The following GAREM1 variants were observed in gnomAD, a reference collection of about 807,000 sequenced individuals.
GAREM1 encodes GRB2 associated regulator of MAPK1 subtype 1, also known as GRB2-associated and regulator of MAPK protein 1.
GAREM1 carries 26 observed loss-of-function variants against 71.3 expected under a neutral mutation model. The ratio of observed to expected loss-of-function variants is 0.36; its 90% CI spans 0.27 to 0.51. The LOEUF is 0.51. Among genes scored for constraint, GAREM1 ranks in the 20% least tolerant of loss-of-function variants. The probability of loss-of-function intolerance (pLI) is 0.95; values close to 1 mark genes in which losing one functional copy is unlikely to be tolerated. For missense variants in GAREM1, 1,026 were observed against 1,103.1 expected, an observed-to-expected ratio of 0.93 and a Z score of 0.99; for synonymous variants, 440 against 433.2, an observed-to-expected ratio of 1.02 and a Z score of -0.20.
At chr18:32,467,451 C>T (rs183730273) in intron 1 of GAREM1, among the ~76,000 whole-genome samples, 4 of 152,220 alleles carry the variant, frequency 2.6e-5, no homozygotes, top group South Asian at 2.1e-4. Flanking sequence ...AAATTCCACT[C>T]CACCATTTAC....
chr18:32,431,331 A>T (rs1308927588), intron 1 of GAREM1, among the ~76,000 whole-genome samples: 1 of 152,168 alleles, frequency 6.6e-6, no homozygotes, highest in Admixed American at 6.6e-5. Flanking sequence ...ATGGTATTAA[A>T]AAAGAATATA....
intron 2 of GAREM1, among the ~76,000 whole-genome samples, chr18:32,376,689 T>C (rs1264792334): frequency 6.6e-6 from 1 of 151,206 alleles, no homozygotes; most frequent in Non-Finnish European, 1.5e-5. Flanking sequence ...AATGCAAAAA[T>C]TAGCCAGGCG....
chr18:32,336,084 G>A (rs1046513621), intron 2 of GAREM1, among the ~76,000 whole-genome samples: 1 of 152,034 alleles, frequency 6.6e-6, no homozygotes. Flanking sequence ...TTTGAGGATC[G>A]GTTTCGTTAT....
chr18:32,337,303 C>T (rs1288722295), intron 2 of GAREM1, among the ~76,000 whole-genome samples: 1 of 152,190 alleles, frequency 6.6e-6, no homozygotes, highest in Non-Finnish European at 1.5e-5. Flanking sequence ...GCTTTGGCCA[C>T]ACACTTAAAC....
chr18:32,402,593 T>TA (rs2048325456), intron 1 of GAREM1, among the ~76,000 whole-genome samples: 1 of 152,130 alleles, frequency 6.6e-6, no homozygotes, highest in Non-Finnish European at 1.5e-5. Context: ...GCCATAACTG[T>TA]AGGAGCTATC....
chr18:32,456,437 A>AG (rs2048890057), intron 1 of GAREM1, among the ~76,000 whole-genome samples: 1 of 152,142 alleles, frequency 6.6e-6, no homozygotes, highest in Non-Finnish European at 1.5e-5. Flanking sequence ...CATAATAACT[A>AG]TGGTTGACAC....
At chr18:32,295,830 T>C (rs2047133971) in intron 3 of GAREM1, among the ~76,000 whole-genome samples, 1 of 152,220 alleles carries the variant, frequency 6.6e-6, no homozygotes, top group African/African-American at 2.4e-5. Context: ...TTCAGGTAAG[T>C]ATTGCTATTA....
At chr18:32,285,949 C>A (rs918709841) in intron 4 of GAREM1, among the ~76,000 whole-genome samples, 1 of 152,142 alleles carries the variant, frequency 6.6e-6, no homozygotes, top group Non-Finnish European at 1.5e-5. Flanking sequence ...CCCTTCCCCA[C>A]AATCTGTGCT....
At chr18:32,388,153 T>C (rs1445310157) in intron 2 of GAREM1, among the ~76,000 whole-genome samples, 13 of 151,992 alleles carry the variant, frequency 8.6e-5, no homozygotes, top group East Asian at 7.7e-4. Context: ...TGGAGAAACA[T>C]AGGACCATTT....
intron 2 of GAREM1, among the ~76,000 whole-genome samples, chr18:32,344,632 A>T (rs1333032390): frequency 1.3e-5 from 2 of 152,206 alleles, no homozygotes; most frequent in Admixed American, 6.5e-5. Flanking sequence ...TGGGTAAAAA[A>T]ATTAACTAAA....
intron 2 of GAREM1, among the ~76,000 whole-genome samples, chr18:32,343,717 T>C (rs2047669411): frequency 6.6e-6 from 1 of 152,184 alleles, no homozygotes; most frequent in Admixed American, 6.5e-5. Flanking sequence ...AGTATAACAT[T>C]TTACCATTTG....
intron 2 of GAREM1, among the ~76,000 whole-genome samples, chr18:32,381,523 C>T (rs779387205): frequency 3.9e-5 from 6 of 152,142 alleles, no homozygotes; most frequent in Admixed American, 2.0e-4. Context: ...ACCTAAGTAT[C>T]GTTTTTTTCC....
intron 5 of GAREM1, among the ~76,000 whole-genome samples, chr18:32,269,787 G>A (rs2041430846): frequency 6.6e-6 from 1 of 152,134 alleles, no homozygotes; most frequent in South Asian, 2.1e-4. Context: ...TGGTCAAAAG[G>A]GGACTCCTGT....
chr18:32,284,631 C>T (rs2046990495), intron 4 of GAREM1, among the ~76,000 whole-genome samples: 1 of 152,184 alleles, frequency 6.6e-6, no homozygotes, highest in South Asian at 2.1e-4. Flanking sequence ...ATAGGAAAAG[C>T]TCATGCAGTC....
chr18:32,286,630 C>A (rs552625902), intron 4 of GAREM1, among the ~76,000 whole-genome samples: 1 of 152,242 alleles, frequency 6.6e-6, no homozygotes, highest in Admixed American at 6.5e-5. Context: ...TTGGGTTTAC[C>A]TATGAAACAG....
At chr18:32,379,912 A>G (rs1249749582) in intron 2 of GAREM1, among the ~76,000 whole-genome samples, 3 of 152,166 alleles carry the variant, frequency 2.0e-5, no homozygotes, top group African/African-American at 7.2e-5. Flanking sequence ...CCAGGTTTGT[A>G]ATGTTGTTTT....
At chr18:32,310,366 T>C (rs770961735) in intron 2 of GAREM1, 43 bp from the exon 3 acceptor site, 1 of 1,604,720 alleles carries the variant, frequency 6.2e-7, no homozygotes, top group Admixed American at 1.7e-5. Context: ...ATGTTTATGC[T>C]GGACTGCTGT....
chr18:32,381,014 A>G (rs991695885), intron 2 of GAREM1, among the ~76,000 whole-genome samples: 12 of 151,866 alleles, frequency 7.9e-5, no homozygotes. Context: ...TATAGAACAA[A>G]GAATTCCTCC....
rs920831841 is a variant in GAREM1 at position 32,300,967 on chromosome 18, C to T, written c.393+9226G>A. 6.7e-5 allele frequency among the ~76,000 whole-genome samples: 10 copies of T among 149,400 alleles called. No individual in the cohort carries two copies. In the South Asian group the frequency reaches 2.1e-3, roughly 32 times the overall value. On this transcript the variant is annotated intron_variant, in intron 3 of 5. Transcript: ENST00000269209. The stretch of plus-strand genomic sequence containing the variant: ...TAACTGGTCGGCAGAAGTAAAAGGT[C>T]TTCATTTTTTCAGCACTTTTTCAGA...
Sources: gnomAD v4.1 joint callset for allele counts (sites outside exome capture counted in the v4.1 genomes callset) on GRCh38, gnomAD v4.1.1 for gene constraint, MANE v1.5 for transcripts, NCBI Gene and HGNC (gene_info 2026-07-23, HGNC 2026-07-21) for gene names.